The following YJEFN3 variants were observed in gnomAD, a reference collection of about 807,000 sequenced individuals.
YJEFN3 encodes the protein YjeF N-terminal domain containing 3.
YJEFN3 carries 29 observed loss-of-function variants against 31.5 expected under a neutral mutation model. That is an observed-to-expected ratio of 0.92 (90% CI 0.69 to 1.26). YJEFN3 has a LOEUF of 1.26. Among genes scored for constraint, YJEFN3 ranks in the 50% most tolerant of loss-of-function variants. The probability of loss-of-function intolerance (pLI) is 0.00; values close to 1 mark genes in which losing one functional copy is unlikely to be tolerated. For synonymous variants in YJEFN3, 227 were observed against 196.1 expected (o/e 1.16, Z -1.32); for missense variants, 442 against 425.4 (o/e 1.04, Z -0.34).
In YJEFN3 at chr19:19,534,304, C is replaced by T; in HGVS notation, c.319-730C>T. 4.7e-6 allele frequency: 2 copies of T among 427,182 alleles called. No homozygotes were observed. Among genetic ancestry groups the T allele is most frequent in the Non-Finnish European group, 6.3e-6 (2 of 319,362 alleles). 26.5% of individuals were successfully genotyped at this position (427,182 alleles called of 1,614,324 possible). On this transcript the variant is annotated intron_variant, in intron 3 of 6. Coordinates refer to ENST00000514277, the MANE Select transcript of YJEFN3 (RefSeq NM_198537.4). The surrounding 1 kb of genome is among the most constrained non-coding windows in gnomAD (Gnocchi z 4.6). The stretch of plus-strand genomic sequence containing the variant: ...CCAGAGACATACAGAAAGACAGAGA[C>T]ACTAGAGTCTGAGAGATACAGACAG...
In YJEFN3 at chr19:19,528,911, G is replaced by C. The variant is rs2061124353; in HGVS notation, c.-22G>C. The C allele has an allele frequency of 5.8e-6, 9 of 1,546,702 alleles. No homozygotes were observed. The highest frequency in any genetic ancestry group is 7.9e-6 in the Non-Finnish European group (9 of 1,145,786). On this transcript the variant is annotated 5_prime_UTR_variant, in exon 1 of 7. Transcript: ENST00000514277. ...GGCGGTGGCGGTGGCGGCAGCGCCC[G>C]GCGCCCGGGCTCACCTCGGCCATGA...
In YJEFN3 at chr19:19,529,316, C is replaced by T. The variant is rs764970732; in HGVS notation, c.60-48C>T. Reference sequence around the variant, plus strand: ...ATTCATCAGCAGCGCTGGTCGCTCCCCCACCGAACCCCAACCGTGGCCCAC... The same window carrying T: ...ATTCATCAGCAGCGCTGGTCGCTCCTCCACCGAACCCCAACCGTGGCCCAC... On this transcript the variant is annotated intron_variant, in intron 1 of 6. Coordinates refer to ENST00000514277, the MANE Select transcript of YJEFN3 (RefSeq NM_198537.4). The T allele has an allele frequency of 3.2e-6, 5 of 1,569,706 alleles. No homozygotes were observed. The South Asian group carries it at 4.8e-5, about 15-fold the overall frequency.
chr19:19,537,442 G>A lies in YJEFN3; in HGVS notation c.818G>A (p.Arg273Lys). The change falls in exon 7 of 7, where the codon AGG (arginine) becomes AAG (lysine). Residue 273 changes from arginine (R) to lysine (K), a missense_variant. By Grantham distance (26) the Arg-to-Lys change is conservative (BLOSUM62 2). Coordinates refer to ENST00000514277, the MANE Select transcript of YJEFN3 (RefSeq NM_198537.4). ...GGGCGCCACCACTTCGTGGCCGGCA[G>A]GTTCGTGCCCGATGACGTGCGCCGC... is the stretch of plus-strand genomic sequence containing the variant. Reference protein sequence around the residue: ...FSGRHHFVAGRFVPDDVRRKF... With the variant: ...FSGRHHFVAGKFVPDDVRRKF... The A allele has an allele frequency of 6.3e-7, 1 of 1,588,552 alleles. No individual in the cohort carries two copies. Among genetic ancestry groups the A allele is most frequent in the South Asian group, 1.1e-5 (1 of 89,118 alleles).
intron 2 of YJEFN3, among the ~76,000 whole-genome samples, chr19:19,530,744 C>T (rs888267362): frequency 1.1e-4 from 16 of 152,214 alleles, no homozygotes; most frequent in African/African-American, 3.9e-4. Context: ...ACCATGAGCT[C>T]CTTTTCCTCA....
intron 3 of YJEFN3, 120 bp downstream of exon 3, chr19:19,532,860 C>A (rs1024893062): frequency 2.1e-5 from 23 of 1,101,088 alleles, no homozygotes; most frequent in African/African-American, 3.2e-5. Flanking sequence ...TTGGGCCTAC[C>A]CCAGCCTGAT....
chr19:19,531,718 C>CTTTTTTT lies in YJEFN3; in HGVS notation c.210-890_210-884dup, dbSNP rs56747140. Among the ~76,000 whole-genome samples, 60 of 75,862 alleles carry CTTTTTTT rather than the reference C, an allele frequency of 7.9e-4. 13 individuals are homozygous for CTTTTTTT. The highest frequency in any genetic ancestry group is 4.2e-3 in the African/African-American group (55 of 13,250). 49.8% of individuals were successfully genotyped at this position (75,862 alleles called of 152,430 possible). A position where few individuals can be genotyped will look rare whatever the true frequency, so the allele number is the denominator to read the frequency against. On this transcript the variant is annotated intron_variant, in intron 2 of 6. Transcript: ENST00000514277. ...GCCACATTTTCTGGCAACAAATAAC[C>CTTTTTTT]TTTTTTTTTTTTTTTTTTTTTTTTT...
rs373833858 is a variant in YJEFN3, at chr19:19,529,526, G to A, written c.209+13G>A. ...CTGTTTGCCAGAGGTTGGTGAGTTT[G>A]GGATCTAGAACTGGCGCCGTGGCTG... On this transcript the variant is annotated intron_variant, in intron 2 of 6. Transcript: ENST00000514277. 5.8e-5 allele frequency: 94 copies of A among 1,611,996 alleles called. No individual in the cohort carries two copies. The highest frequency in any genetic ancestry group is 3.3e-4 in the Middle Eastern group (2 of 6,066).
rs866501619 is a variant in YJEFN3, at chr19:19,535,961, C to T, written c.694+282C>T. On this transcript the variant is annotated intron_variant, in intron 6 of 6. Coordinates refer to ENST00000514277, the MANE Select transcript of YJEFN3 (RefSeq NM_198537.4). ...TTGCCTGGGCAGACGTGAGCTCACT[C>T]GGCAAAGGCCGCGCCCGCCCTGGCT... 41 of 572,062 alleles carry T rather than the reference C, an allele frequency of 7.2e-5. 1 individual carries two copies. The highest frequency in any genetic ancestry group is 1.5e-4 in the South Asian group (7 of 47,042). The allele number at this position is 572,062 out of a possible 1,614,324, so 35.4% of individuals were successfully genotyped here. A position where few individuals can be genotyped will look rare whatever the true frequency, so the allele number is the denominator to read the frequency against.
chr19:19,535,771 C>T, intron 6 of YJEFN3, 92 bp downstream of exon 6: 1 of 1,454,112 alleles, frequency 6.9e-7, no homozygotes, highest in South Asian at 1.2e-5. Context: ...CCTGTCTGAA[C>T]CTCAATCTCC....
At position 19,529,406 on chromosome 19, in the gene YJEFN3, G is replaced by A. The variant is rs780394769; in HGVS notation, c.102G>A (p.Ala34=). Residue 34 remains alanine (A), a synonymous_variant, in exon 2 of 7, where the codon GCG becomes GCA. Transcript: ENST00000514277. Reference sequence around the variant, plus strand: ...CCCCACTTGCCGACATGGGAAGAGCGGAGCTTAGCTCAAATGCTACCACCT... The same window carrying A: ...CCCCACTTGCCGACATGGGAAGAGCAGAGCTTAGCTCAAATGCTACCACCT... The part of the protein sequence containing the change: ...LQPPLADMGR[A]ELSSNATTSL... 3.7e-5 allele frequency: 60 copies of A among 1,614,002 alleles called. No homozygotes were observed. The highest frequency in any genetic ancestry group is 1.3e-4 in the South Asian group (12 of 91,074).
chr19:19,532,219 C>A (rs10422819), intron 2 of YJEFN3, among the ~76,000 whole-genome samples: 64,889 of 152,146 alleles, frequency 0.43, 15,209 homozygotes, highest in African/African-American at 0.62. Context: ...AAGCTTGTTC[C>A]GTGGCTCCCA....
chr19:19,535,232 T>G (rs2061196284), intron 4 of YJEFN3, 88 bp downstream of exon 4: 1 of 1,507,302 alleles, frequency 6.6e-7, no homozygotes, highest in Non-Finnish European at 9.1e-7. Context: ...AGGGGGACAT[T>G]GACGCAGGGC....
chr19:19,533,458 C>T (rs1568364715), intron 3 of YJEFN3: 1 of 966,438 alleles, frequency 1.0e-6, no homozygotes, highest in Non-Finnish European at 1.2e-6. Flanking sequence ...CTTCCTCCTC[C>T]TCCTGCCCCC....
At position 19,535,360 on chromosome 19, in the gene YJEFN3, C is replaced by A. The variant is rs377023693; in HGVS notation, c.453C>A (p.Tyr151Ter). Residue 151 changes from tyrosine to a stop codon, truncating the protein, a stop_gained, in exon 5 of 7, where the codon TAC (tyrosine) becomes TAA (stop). Coordinates refer to ENST00000514277, the MANE Select transcript of YJEFN3 (RefSeq NM_198537.4). LOFTEE classifies it high-confidence loss of function. ...RVFEYEPTIF[Y>*]PTRSLDLLHR... ...AGGAGTATGAACCCACCATCTTCTA[C>A]CCCACACGCTCGCTGGACCTGCTGC... 1 of 1,613,912 alleles carries A rather than the reference C, an allele frequency of 6.2e-7. No individual in the cohort carries two copies. The highest frequency in any genetic ancestry group is 8.5e-7 in the Non-Finnish European group (1 of 1,179,980).
chr19:19,533,449 TTCC>T (rs916961456), intron 3 of YJEFN3: 76 of 958,858 alleles, frequency 7.9e-5, no homozygotes, highest in East Asian at 1.3e-4. Context: ...TTTCTCCTCC[TTCC>T]TCCTCCTCCT....
At chr19:19,529,178 C>G in intron 1 of YJEFN3, 186 bp from the exon 2 acceptor site, 2 of 1,451,634 alleles carry the variant, frequency 1.4e-6, no homozygotes, top group Admixed American at 5.4e-5. Context: ...AGGGATATGG[C>G]CAAGACGGGC....
At chr19:19,533,638 A>C (rs1600365484) in intron 3 of YJEFN3, 3 of 961,834 alleles carry the variant, frequency 3.1e-6, no homozygotes, top group African/African-American at 2.0e-5. Flanking sequence ...CTCCCTCCTC[A>C]CCCCTCCTCC....
At chr19:19,529,652 G>A in intron 2 of YJEFN3, 139 bp downstream of exon 2, 1 of 1,167,128 alleles carries the variant, frequency 8.6e-7, no homozygotes, top group Non-Finnish European at 1.2e-6. Flanking sequence ...CCTGCCCACT[G>A]CCCACCTAGC....
chr19:19,531,748 T>G (rs2061158724), intron 2 of YJEFN3, among the ~76,000 whole-genome samples: 3 of 107,834 alleles, frequency 2.8e-5, no homozygotes, highest in Admixed American at 1.1e-4. Context: ...TTTTTTTTTT[T>G]GGAGACGGAG....
Sources: gnomAD v4.1 joint callset for allele counts (sites outside exome capture counted in the v4.1 genomes callset) on GRCh38, gnomAD v4.1.1 for gene constraint, Gnocchi (gnomAD v3.1) non-coding constraint, MANE v1.5 for transcripts, NCBI Gene and HGNC (gene_info 2026-07-23, HGNC 2026-07-21) for gene names.